The following ABCA10 variants were observed in gnomAD, a reference collection of about 807,000 sequenced individuals.
ABCA10 encodes ATP-binding cassette sub-family A member 10.
In ABCA10, 169 loss-of-function variants were observed where a neutral mutation model predicts 187.5. The observed-to-expected ratio is 0.90, with a 90% CI of 0.80 to 1.02. The LOEUF is 1.02. ABCA10 is among the 50% of genes least tolerant of loss of function. The probability of loss-of-function intolerance (pLI) is 0.00; values close to 1 mark genes in which losing one functional copy is unlikely to be tolerated. For synonymous variants in ABCA10, 574 were observed against 601.8 expected (o/e 0.95, Z 0.68); for missense variants, 1,727 against 1,812.4 (o/e 0.95, Z 0.86).
chr17:69,240,838 A>G (rs1347654318), intron 1 of ABCA10, among the ~76,000 whole-genome samples: 1 of 152,166 alleles, frequency 6.6e-6, no homozygotes, highest in East Asian at 1.9e-4. Context: ...CTGGGTCTCA[A>G]ATCTGTTCTC....
At chr17:69,163,679 G>A (rs1477216827) in intron 27 of ABCA10, among the ~76,000 whole-genome samples, 1 of 151,934 alleles carries the variant, frequency 6.6e-6, no homozygotes, top group Non-Finnish European at 1.5e-5. Context: ...ATTTATATTC[G>A]CTTTCATTGT....
At chr17:69,210,081 T>TTTATTATTATTATTATTA (rs140000472) in intron 9 of ABCA10, among the ~76,000 whole-genome samples, 1,833 of 146,884 alleles carry the variant, frequency 0.012, 30 homozygotes, top group Admixed American at 0.037. Flanking sequence ...ATGCTATTAC[T>TTTATTATTATTATTATTA]TTATTATTAT....
At chr17:69,177,973 A>AATATATATATATATATGTTAT (rs2074348590) in intron 22 of ABCA10, among the ~76,000 whole-genome samples, 1 of 49,978 alleles carries the variant, frequency 2.0e-5, no homozygotes, top group African/African-American at 6.1e-5. Context: ...AAAAAAAAAA[A>AATATATATATATATATGTTAT]ATATATATAT....
intron 21 of ABCA10, 48 bp downstream of exon 21, chr17:69,182,627 A>C: frequency 6.5e-7 from 1 of 1,528,428 alleles, no homozygotes; most frequent in South Asian, 1.3e-5. Context: ...ACGTGGCAAA[A>C]AAAACAAAAA....
At chr17:69,172,274 T>C (rs1413439752) in intron 25 of ABCA10, among the ~76,000 whole-genome samples, 1 of 152,162 alleles carries the variant, frequency 6.6e-6, no homozygotes, top group Non-Finnish European at 1.5e-5. Flanking sequence ...AAAATATATA[T>C]GTTTAAATTT....
chr17:69,149,318 T>C (rs1380406050), intron 37 of ABCA10: 3 of 507,934 alleles, frequency 5.9e-6, no homozygotes, highest in Non-Finnish European at 6.9e-6. Context: ...GTGTCCTATT[T>C]TAGTATTATC....
rs1309094516 is a variant in ABCA10 at position 69,193,352 on chromosome 17, C to T, written c.1642-104G>A. 2.8e-5 allele frequency: 43 copies of T among 1,521,002 alleles called. No individual in the cohort carries two copies. In the South Asian group the frequency reaches 4.2e-4, roughly 15 times the overall value. The allele number at this position is 1,521,002 out of a possible 1,614,324, so 94.2% of individuals were successfully genotyped here. ...ATTTCTAGACTCAAATACAGTCCTC[C>T]ACCAGATCCCTAACAAGCTTGCATG... On this transcript the variant is annotated intron_variant, in intron 14 of 38. Transcript: ENST00000690296.
chr17:69,172,076 T>C (rs373488590), intron 25 of ABCA10, among the ~76,000 whole-genome samples: 70 of 152,136 alleles, frequency 4.6e-4, no homozygotes, highest in African/African-American at 1.5e-3. Flanking sequence ...AAATGCTTAT[T>C]TGAGGGATTA....
At chr17:69,171,387 A>G (rs111501142) in intron 25 of ABCA10, among the ~76,000 whole-genome samples, 10,749 of 152,336 alleles carry the variant, frequency 0.071, 572 homozygotes, top group Non-Finnish European at 0.099. Context: ...ATTTAGATGC[A>G]GATGAATTTA....
At chr17:69,183,871 G>A (rs181418102) in intron 20 of ABCA10, among the ~76,000 whole-genome samples, 9 of 152,238 alleles carry the variant, frequency 5.9e-5, no homozygotes, top group African/African-American at 2.2e-4. Context: ...CTTGGGGAAG[G>A]AATGATCAGG....
At chr17:69,158,195 C>T (rs116816755) in intron 27 of ABCA10, among the ~76,000 whole-genome samples, 1,522 of 152,012 alleles carry the variant, frequency 0.01, 20 homozygotes, top group African/African-American at 0.034. Flanking sequence ...AATGTAAGGA[C>T]GCCTTCTTGC....
chr17:69,192,691 G>A (rs1252912667), intron 15 of ABCA10, 38 bp from the exon 16 acceptor site: 2 of 1,516,558 alleles, frequency 1.3e-6, no homozygotes, highest in Admixed American at 1.7e-5. Context: ...TATGTGAAGA[G>A]TAATTCCTTA....
chr17:69,216,422 C>T (rs1156974391), intron 6 of ABCA10, 64 bp from the exon 7 acceptor site: 18 of 1,515,606 alleles, frequency 1.2e-5, no homozygotes, highest in South Asian at 2.7e-5. Flanking sequence ...AGGTAATGTG[C>T]GAAATGGTTA....
intron 22 of ABCA10, among the ~76,000 whole-genome samples, chr17:69,181,674 A>G (rs2074381755): frequency 6.6e-6 from 1 of 152,130 alleles, no homozygotes; most frequent in East Asian, 1.9e-4. Context: ...ATTTAATTAG[A>G]CTAAACATAA....
intron 2 of ABCA10, among the ~76,000 whole-genome samples, chr17:69,226,815 C>T (rs1313728002): frequency 6.6e-6 from 1 of 151,874 alleles, no homozygotes; most frequent in Non-Finnish European, 1.5e-5. Flanking sequence ...CTGCCCCCAA[C>T]ACAGAAGTTA....
At position 69,241,640 on chromosome 17, in the gene ABCA10, A is replaced by C. The variant is rs143582438; in HGVS notation, c.-593+2889T>G. On this transcript the variant is annotated intron_variant, in intron 1 of 39. Coordinates refer to the ABCA10 transcript ENST00000269081. ...GCCTTTGTACTTGCAGTACCAACTC[A>C]CCTTCTCAGTGTAGTCTTGCCTACA... is the stretch of plus-strand genomic sequence containing the variant. Among the ~76,000 whole-genome samples, 693 of 152,166 alleles carry C rather than the reference A, an allele frequency of 4.6e-3. 10 individuals are homozygous for C. Among genetic ancestry groups the C allele is most frequent in the African/African-American group, 0.015 (637 of 41,524 alleles).
intron 36 of ABCA10, among the ~76,000 whole-genome samples, chr17:69,151,554 C>A (rs1240533906): frequency 2.0e-5 from 3 of 152,160 alleles, no homozygotes; most frequent in Non-Finnish European, 4.4e-5. Flanking sequence ...TTACTTGTAA[C>A]ACATGGTTGA....
intron 25 of ABCA10, among the ~76,000 whole-genome samples, chr17:69,173,329 C>G (rs1413993229): frequency 6.6e-6 from 1 of 152,136 alleles, no homozygotes; most frequent in Non-Finnish European, 1.5e-5. Context: ...ATACTGAATT[C>G]TCCAACTGGT....
intron 25 of ABCA10, among the ~76,000 whole-genome samples, chr17:69,171,685 G>A (rs1324752492): frequency 1.3e-5 from 2 of 152,100 alleles, no homozygotes; most frequent in African/African-American, 2.4e-5. Context: ...GTCAGAGAAG[G>A]TTAGTCAATG....
Sources: gnomAD v4.1 joint callset for allele counts (sites outside exome capture counted in the v4.1 genomes callset) on GRCh38, gnomAD v4.1.1 for gene constraint, MANE v1.5 for transcripts, NCBI Gene and HGNC (gene_info 2026-07-23, HGNC 2026-07-21) for gene names.